The following PCDHGA8 variants were observed in gnomAD, a reference collection of about 807,000 sequenced individuals.
The protein encoded by PCDHGA8 is protocadherin gamma-A8.
Under a neutral mutation model 59.2 loss-of-function variants are expected in PCDHGA8, and 45 were observed. That is an observed-to-expected ratio of 0.76 (90% confidence interval 0.60 to 0.98). PCDHGA8 has a LOEUF of 0.98. Ranked by LOEUF, PCDHGA8 falls within the 50% of genes least tolerant of loss-of-function variation. The probability of loss-of-function intolerance (pLI) is 0.00; values close to 1 mark genes in which losing one functional copy is unlikely to be tolerated. For missense variants in PCDHGA8, 1,257 were observed against 1,196.2 expected (o/e 1.05, Z -0.75); for synonymous variants, 531 against 519.0 (o/e 1.02, Z -0.32).
At chr5:141,408,524 G>A (rs1589673864) in intron 1 of PCDHGA8, 3 of 1,614,080 alleles carry the variant, frequency 1.9e-6, no homozygotes, top group Non-Finnish European at 1.7e-6. Context: ...GCAATTGGAA[G>A]CTGTGGTGGA....
At position 141,393,141 on chromosome 5, in the gene PCDHGA8, G is replaced by A. The variant is rs371909748; in HGVS notation, c.328G>A (p.Val110Ile). 20 of 1,613,182 alleles carry A rather than the reference G, an allele frequency of 1.2e-5. No homozygotes were observed. The African/African-American group carries it at 2.4e-4, about 19-fold the overall frequency. The change falls in exon 1 of 4, where the codon GTT (valine) becomes ATT (isoleucine). Residue 110 changes from valine to isoleucine, a missense_variant. Coordinates refer to ENST00000398604, the MANE Select transcript of PCDHGA8 (RefSeq NM_032088.2). Reference sequence around the variant, plus strand: ...GTGTCTGATAAATATTAACACCCTGGTTGAGGATAAAGGAAAACTCTTTGG... The same window carrying A: ...GTGTCTGATAAATATTAACACCCTGATTGAGGATAAAGGAAAACTCTTTGG... The part of the protein sequence containing the change: ...PRCLININTL[V>I]EDKGKLFGVE...
chr5:141,467,912 G>A (rs879405529), intron 1 of PCDHGA8, among the ~76,000 whole-genome samples: 1 of 152,086 alleles, frequency 6.6e-6, no homozygotes, highest in Admixed American at 6.6e-5. Context: ...GCCCACCTCA[G>A]CCTCCCAAAA....
chr5:141,455,104 G>A (rs2098813087), intron 1 of PCDHGA8, among the ~76,000 whole-genome samples: 1 of 151,888 alleles, frequency 6.6e-6, no homozygotes, highest in East Asian at 1.9e-4. Flanking sequence ...GAGCCACTGC[G>A]CCCGGTGGGT....
chr5:141,457,335 A>G (rs2098917073), intron 1 of PCDHGA8, among the ~76,000 whole-genome samples: 1 of 152,172 alleles, frequency 6.6e-6, no homozygotes, highest in Admixed American at 6.5e-5. Flanking sequence ...CAGGTACCTT[A>G]CTTACTTTCA....
At chr5:141,500,184 TTTTATTTATTTA>T (rs58019021) in intron 2 of PCDHGA8, among the ~76,000 whole-genome samples, 197 of 135,960 alleles carry the variant, frequency 1.4e-3, no homozygotes, top group African/African-American at 3.6e-3. Context: ...TCATTTTTAT[TTTTATTTATTTA>T]TTTATTTATT....
chr5:141,414,434 C>T (rs774467993), intron 1 of PCDHGA8: 5 of 1,613,704 alleles, frequency 3.1e-6, no homozygotes, highest in Non-Finnish European at 3.4e-6. Context: ...GAACAGGTAT[C>T]CTCTTACAAT....
intron 1 of PCDHGA8, among the ~76,000 whole-genome samples, chr5:141,480,720 G>C (rs2099524423): frequency 6.6e-6 from 1 of 152,146 alleles, no homozygotes; most frequent in Non-Finnish European, 1.5e-5. Context: ...TGAAAGCACA[G>C]TCTCTGGGGG....
At chr5:141,404,328 T>G (rs1300173055) in intron 1 of PCDHGA8, 3 of 1,613,902 alleles carry the variant, frequency 1.9e-6, no homozygotes, top group Non-Finnish European at 2.5e-6. Flanking sequence ...TCCTACTCAG[T>G]CTACCTCCCG....
Position 141,511,231 on chromosome 5 carries a change from C to T in PCDHGA8, c.*58C>T. On this transcript the variant is annotated 3_prime_UTR_variant, in exon 4 of 4. Coordinates refer to ENST00000398604, the MANE Select transcript of PCDHGA8 (RefSeq NM_032088.2). ...CTCTCCCCAACCAGCCCAGCTTCTC[C>T]TTACCTGCACCCAGGCCTCAGAGTT... 2 of 1,595,900 alleles carry T rather than the reference C, an allele frequency of 1.3e-6. No individual in the cohort carries two copies. The highest frequency in any genetic ancestry group is 2.2e-5 in the South Asian group (2 of 88,992).
At position 141,438,623 on chromosome 5, in the gene PCDHGA8, TATATATATATATAC is replaced by T. The variant is rs537048311; in HGVS notation, c.2424+43388_2424+43401del. Among the ~76,000 whole-genome samples the T allele has an allele frequency of 0.015, 646 of 42,812 alleles. 25 individuals are homozygous for T. In the East Asian group the frequency reaches 0.19, roughly 12 times the overall value. The allele number at this position is 42,812 out of a possible 152,430, so 28.1% of individuals were successfully genotyped here. A position where few individuals can be genotyped will look rare whatever the true frequency, so the allele number is the denominator to read the frequency against. On this transcript the variant is annotated intron_variant, in intron 1 of 3. Transcript: ENST00000398604. ...ATATATATATATATATATATATATA[TATATATATATATAC>T]ACACACACACACACATATATGTATA...
At chr5:141,503,554 G>A (rs1395044357) in intron 2 of PCDHGA8, among the ~76,000 whole-genome samples, 11 of 149,146 alleles carry the variant, frequency 7.4e-5, no homozygotes, top group East Asian at 3.9e-4. Flanking sequence ...AGCCGAGATC[G>A]CGCCACTGTA....
intron 1 of PCDHGA8, chr5:141,441,917 A>G (rs979307331): frequency 3.1e-5 from 11 of 352,364 alleles, no homozygotes; most frequent in African/African-American, 2.0e-4. Context: ...GATGTGAGAC[A>G]CAATGCGTGG....
In PCDHGA8 at chr5:141,486,143, G is replaced by T; in HGVS notation, c.2425-8664G>T. On this transcript the variant is annotated intron_variant, in intron 1 of 3. Coordinates refer to ENST00000398604, the MANE Select transcript of PCDHGA8 (RefSeq NM_032088.2). This position sits in a 1 kb window ranked among gnomAD's most constrained non-coding sequence, Gnocchi z 5.0. ...CTATGAATTTGATGTGCGGGCTCGC[G>T]ATGGGGGTTCTCCAGCCATGGAGCA... 6.2e-7 allele frequency: 1 copy of T among 1,614,198 alleles called. No homozygotes were observed. Among genetic ancestry groups the T allele is most frequent in the Non-Finnish European group, 8.5e-7 (1 of 1,180,030 alleles).
chr5:141,476,224 G>T lies in PCDHGA8; in HGVS notation c.2425-18583G>T. 6.2e-7 allele frequency: 1 copy of T among 1,614,062 alleles called. No individual in the cohort carries two copies. The highest frequency in any genetic ancestry group is 1.1e-5 in the South Asian group (1 of 91,072). ...AGGCTTCCACGGTCATTCACTATGA[G>T]ATCCCGGAGGAAAGAGAGAAGGGTT... On this transcript the variant is annotated intron_variant, in intron 1 of 3. Transcript: ENST00000398604. This position sits in a 1 kb window ranked among gnomAD's most constrained non-coding sequence, Gnocchi z 7.6.
chr5:141,425,486 C>T (rs2096878743), intron 1 of PCDHGA8, among the ~76,000 whole-genome samples: 1 of 152,236 alleles, frequency 6.6e-6, no homozygotes, highest in African/African-American at 2.4e-5. Context: ...TGGCAACCTA[C>T]TAGGCTATAC....
chr5:141,421,834 C>A, intron 1 of PCDHGA8: 2 of 1,613,748 alleles, frequency 1.2e-6, no homozygotes. Flanking sequence ...AAGCCTGGAC[C>A]GAGAGAAAGA....
At chr5:141,506,930 T>C (rs2099857287) in intron 3 of PCDHGA8, among the ~76,000 whole-genome samples, 1 of 152,150 alleles carries the variant, frequency 6.6e-6, no homozygotes, top group African/African-American at 2.4e-5. Context: ...AAACAAACTT[T>C]AGGGGCCTCC....
intron 1 of PCDHGA8, chr5:141,441,667 A>C: frequency 3.7e-6 from 1 of 267,984 alleles, no homozygotes; most frequent in Non-Finnish European, 7.4e-6. Flanking sequence ...TTGAGCGCAC[A>C]GTGCGCCTTC....
chr5:141,433,843 A>C (rs2097657951), intron 1 of PCDHGA8, among the ~76,000 whole-genome samples: 1 of 151,956 alleles, frequency 6.6e-6, no homozygotes, highest in African/African-American at 2.4e-5. Context: ...ATCTCAAAAA[A>C]AAAAAAAAAA....
Sources: gnomAD v4.1 joint callset for allele counts (sites outside exome capture counted in the v4.1 genomes callset) on GRCh38, gnomAD v4.1.1 for gene constraint, Gnocchi (gnomAD v3.1) non-coding constraint, MANE v1.5 for transcripts, NCBI Gene and HGNC (gene_info 2026-07-23, HGNC 2026-07-21) for gene names.